Variants in DCAF6 observed in about 807,000 individuals in gnomAD.
The protein encoded by DCAF6 is DDB1- and CUL4-associated factor 6.
DCAF6 carries 54 observed loss-of-function variants against 125.1 expected under a neutral mutation model. The observed-to-expected ratio is 0.43, with a 90% CI of 0.35 to 0.54. DCAF6 has a LOEUF of 0.54. Among genes scored for constraint, DCAF6 ranks in the 20% least tolerant of loss-of-function variants. The pLI, the probability that DCAF6 is intolerant of heterozygous loss-of-function variation, is 0.01. For synonymous variants in DCAF6, 371 were observed against 390.4 expected, an observed-to-expected ratio of 0.95 and a Z score of 0.58; for missense variants, 934 against 1,161.7, an observed-to-expected ratio of 0.80 and a Z score of 2.85.
the DCAF6 span, among the ~76,000 whole-genome samples, chr1:167,869,657 C>G: frequency 1.3e-5 from 2 of 152,136 alleles, no homozygotes; most frequent in Non-Finnish European, 2.9e-5. Context: ...ATCTCTCGTT[C>G]TGTTCTGTTT....
the DCAF6 span, among the ~76,000 whole-genome samples, chr1:167,922,238 G>T: frequency 6.6e-6 from 1 of 152,108 alleles, no homozygotes; most frequent in South Asian, 2.1e-4. Context: ...ATTTCAACAT[G>T]TACTTAAAAT....
intron 4 of DCAF6, among the ~76,000 whole-genome samples, chr1:167,982,815 C>A (rs1352079558): frequency 6.6e-6 from 1 of 152,090 alleles, no homozygotes; most frequent in East Asian, 1.9e-4. Flanking sequence ...AATCTGGAAT[C>A]CATCTTGAGT....
intron 7 of DCAF6, among the ~76,000 whole-genome samples, chr1:167,995,092 C>T (rs762133688): frequency 6.6e-5 from 10 of 152,134 alleles, no homozygotes; most frequent in Non-Finnish European, 1.5e-4. Context: ...TGGTTAAAAA[C>T]ATGAAATCTG....
At chr1:168,047,813 C>T (rs541004325) in intron 16 of DCAF6, among the ~76,000 whole-genome samples, 5 of 152,116 alleles carry the variant, frequency 3.3e-5, no homozygotes, top group Admixed American at 2.0e-4. Context: ...TTTTCTAGCT[C>T]TTTACCAAAA....
At chr1:167,906,376 A>C in the DCAF6 span, among the ~76,000 whole-genome samples, 1 of 151,872 alleles carries the variant, frequency 6.6e-6, no homozygotes, top group Non-Finnish European at 1.5e-5. Context: ...AAAAAAAAAA[A>C]GGGTAGCATT....
intron 16 of DCAF6, among the ~76,000 whole-genome samples, chr1:168,045,488 C>A (rs1184595098): frequency 2.0e-5 from 3 of 152,098 alleles, no homozygotes; most frequent in Non-Finnish European, 4.4e-5. Flanking sequence ...ATTTACAGAT[C>A]AAGAGAAAAG....
At chr1:168,013,808 C>T (rs749810830) in intron 10 of DCAF6, among the ~76,000 whole-genome samples, 17 of 151,968 alleles carry the variant, frequency 1.1e-4, no homozygotes, top group Admixed American at 7.2e-4. Context: ...TGCAATGGTG[C>T]AGTCGTGGCT....
chr1:168,040,807 C>A (rs1210290346), intron 13 of DCAF6, among the ~76,000 whole-genome samples: 1 of 142,560 alleles, frequency 7.0e-6, no homozygotes, highest in Non-Finnish European at 1.5e-5. Flanking sequence ...GAATTATATT[C>A]TCATTCATCA....
At chr1:168,019,794 T>C (rs1288451381) in intron 11 of DCAF6, 1 of 186,552 alleles carries the variant, frequency 5.4e-6, no homozygotes, top group Non-Finnish European at 1.2e-5. Flanking sequence ...CTGAGCCATA[T>C]TGGAAAAAAT....
intron 11 of DCAF6, among the ~76,000 whole-genome samples, chr1:168,019,044 T>C (rs1405486465): frequency 6.6e-6 from 1 of 151,856 alleles, no homozygotes; most frequent in African/African-American, 2.4e-5. Context: ...TAATGTACTC[T>C]CTCTTTTTTT....
the DCAF6 span, among the ~76,000 whole-genome samples, chr1:167,875,908 G>C: frequency 6.6e-6 from 1 of 150,720 alleles, no homozygotes; most frequent in African/African-American, 2.4e-5. Context: ...AGCCGAGATC[G>C]CACCACTGCA....
At chr1:168,043,767 T>C (rs1688830397) in intron 14 of DCAF6, among the ~76,000 whole-genome samples, 1 of 152,164 alleles carries the variant, frequency 6.6e-6, no homozygotes, top group South Asian at 2.1e-4. Context: ...AGCTATCTGG[T>C]AAGCAAATGT....
intron 12 of DCAF6, among the ~76,000 whole-genome samples, chr1:168,031,717 A>G (rs1335484133): frequency 6.6e-6 from 1 of 152,010 alleles, no homozygotes; most frequent in Non-Finnish European, 1.5e-5. Context: ...TTTTCCAGTA[A>G]AGGAGAATAT....
At chr1:167,969,034 A>G (rs1325257744) in intron 3 of DCAF6, among the ~76,000 whole-genome samples, 1 of 152,146 alleles carries the variant, frequency 6.6e-6, no homozygotes, top group Non-Finnish European at 1.5e-5. Flanking sequence ...AATGGCAAAT[A>G]TAGATTTATA....
intron 12 of DCAF6, among the ~76,000 whole-genome samples, chr1:168,028,993 G>A (rs1424357196): frequency 6.6e-6 from 1 of 151,966 alleles, no homozygotes; most frequent in African/African-American, 2.4e-5. Flanking sequence ...GTATTTCTTA[G>A]AACTAGTTAT....
At chr1:167,970,547 G>A (rs1557908400) in intron 3 of DCAF6, among the ~76,000 whole-genome samples, 1 of 152,034 alleles carries the variant, frequency 6.6e-6, no homozygotes, top group Non-Finnish European at 1.5e-5. Context: ...ACTCGGGAGG[G>A]AGTGGCAGGA....
At chr1:167,930,755 C>G in the DCAF6 span, among the ~76,000 whole-genome samples, 1 of 152,312 alleles carries the variant, frequency 6.6e-6, no homozygotes, top group African/African-American at 2.4e-5. Flanking sequence ...CCATACAGCA[C>G]TTTAAACATA....
chr1:168,003,854 A>T lies in DCAF6; in HGVS notation c.998-16A>T, dbSNP rs1258113816. 6.9e-6 allele frequency: 11 copies of T among 1,604,964 alleles called. No individual in the cohort carries two copies. Among genetic ancestry groups the T allele is most frequent in the Non-Finnish European group, 9.4e-6 (11 of 1,175,248 alleles). ...ACTTATTACTAAACTCACTGATAAG[A>T]CCTATATTGTAATAGGAGAGCAGAG... On this transcript the variant is annotated splice_polypyrimidine_tract_variant and intron_variant, in intron 8 of 21. Coordinates refer to ENST00000367840, the MANE Select transcript of DCAF6 (RefSeq NM_001198956.2).
At chr1:167,938,336 T>G (rs1457232525) in intron 1 of DCAF6, among the ~76,000 whole-genome samples, 3 of 152,178 alleles carry the variant, frequency 2.0e-5, no homozygotes, top group Admixed American at 1.3e-4. Context: ...TTTTCACTTC[T>G]CCACATTTTG....
Sources: allele counts gnomAD v4.1 joint callset (sites outside exome capture counted in the v4.1 genomes callset), GRCh38; gene constraint gnomAD v4.1.1; transcripts MANE v1.5; gene names NCBI Gene and HGNC (gene_info 2026-07-23, HGNC 2026-07-21).